The following PRRC2B variants were observed in gnomAD, a reference collection of about 807,000 sequenced individuals.
PRRC2B encodes protein PRRC2B.
Under a neutral mutation model 242.3 loss-of-function variants are expected in PRRC2B, and 68 were observed. The ratio of observed to expected loss-of-function variants is 0.28; its 90% CI spans 0.23 to 0.34. The LOEUF (loss-of-function observed/expected upper bound fraction) is 0.34. Ranked by LOEUF, PRRC2B falls within the 10% of genes least tolerant of loss-of-function variation. The pLI is 1.00. For synonymous variants in PRRC2B, 1,228 were observed against 1,173.6 expected (o/e 1.05, Z -0.95); for missense variants, 2,835 against 2,954.8 (o/e 0.96, Z 0.94).
At chr9:131,414,857 A>C (rs1326296768) in intron 1 of PRRC2B, among the ~76,000 whole-genome samples, 1 of 151,690 alleles carries the variant, frequency 6.6e-6, no homozygotes, top group Non-Finnish European at 1.5e-5. Flanking sequence ...AGCATGAGCC[A>C]CCGTGCCTGG....
chr9:131,412,952 T>C (rs1837543821), intron 1 of PRRC2B, among the ~76,000 whole-genome samples: 1 of 152,098 alleles, frequency 6.6e-6, no homozygotes, highest in Non-Finnish European at 1.5e-5. Flanking sequence ...AAAAGTAAAG[T>C]AGAGGTTTCA....
intron 28 of PRRC2B, chr9:131,491,168 C>T (rs1385486036): frequency 4.6e-6 from 2 of 436,478 alleles, no homozygotes; most frequent in Non-Finnish European, 8.0e-6. Context: ...ATGCCTGCAG[C>T]CAGCTTAGTC....
At chr9:131,431,799 G>C (rs990410328) in intron 2 of PRRC2B, among the ~76,000 whole-genome samples, 2 of 140,844 alleles carry the variant, frequency 1.4e-5, no homozygotes, top group Non-Finnish European at 3.1e-5. Flanking sequence ...TGTTAGCGAG[G>C]ATGGTCTCGA....
intron 3 of PRRC2B, among the ~76,000 whole-genome samples, chr9:131,433,848 G>A (rs766103448): frequency 6.6e-6 from 1 of 152,222 alleles, no homozygotes; most frequent in African/African-American, 2.4e-5. Context: ...TAGAGAGTGA[G>A]CTAGTTTAGT....
chr9:131,380,970 G>C (rs1284146138), intron 1 of PRRC2B, among the ~76,000 whole-genome samples: 1 of 150,492 alleles, frequency 6.6e-6, no homozygotes, highest in Non-Finnish European at 1.5e-5. Flanking sequence ...CTCCCACTCT[G>C]TGGGTCGTTG....
At chr9:131,391,972 C>T (rs771914829), upstream of PRRC2B, among the ~76,000 whole-genome samples, 5 of 151,960 alleles carry the variant, frequency 3.3e-5, no homozygotes, top group Non-Finnish European at 5.9e-5. Context: ...AACTCCTGAC[C>T]TCAGGTGATC....
intron 28 of PRRC2B, 33 bp from the exon 29 acceptor site, chr9:131,491,392 T>C (rs1423451266): frequency 1.3e-6 from 2 of 1,555,368 alleles, no homozygotes; most frequent in Non-Finnish European, 8.7e-7. Flanking sequence ...CATAGCATCA[T>C]TCCCCCTCCT....
intron 1 of PRRC2B, among the ~76,000 whole-genome samples, chr9:131,427,259 C>G (rs72770798): frequency 0.01 from 1,535 of 152,288 alleles, 24 homozygotes; most frequent in Non-Finnish European, 0.013. Flanking sequence ...CGTCTTTTGT[C>G]TCACTTTTTT....
chr9:131,383,965 T>A (rs1474303735), intron 1 of PRRC2B, among the ~76,000 whole-genome samples: 2 of 151,760 alleles, frequency 1.3e-5, no homozygotes, highest in African/African-American at 4.8e-5. Context: ...GTCACCCAGG[T>A]TGGAGTCCAG....
chr9:131,485,840 C>G, intron 25 of PRRC2B: 1 of 729,266 alleles, frequency 1.4e-6, no homozygotes, highest in South Asian at 1.4e-5. Context: ...CAGAGCCCAC[C>G]TGCCTCCTCC....
In PRRC2B at chr9:131,496,027, G is replaced by C. The variant is rs1000770381; in HGVS notation, c.*153G>C. The C allele has an allele frequency of 9.3e-7, 1 of 1,070,326 alleles. No individual in the cohort carries two copies. The highest frequency in any genetic ancestry group is 1.6e-5 in the African/African-American group (1 of 62,968). The allele number at this position is 1,070,326 out of a possible 1,614,324, so 66.3% of individuals were successfully genotyped here. A position where few individuals can be genotyped will look rare whatever the true frequency, so the allele number is the denominator to read the frequency against. ...CCTCCTCTCCACTCCCGAAAGCTCC[G>C]TTGTCAACCAGCTTGCACCCGTGGA... On this transcript the variant is annotated 3_prime_UTR_variant, in exon 32 of 32. Coordinates refer to ENST00000683519, the MANE Select transcript of PRRC2B (RefSeq NM_013318.4).
chr9:131,466,666 C>T (rs893327838), intron 12 of PRRC2B, among the ~76,000 whole-genome samples: 1 of 151,988 alleles, frequency 6.6e-6, no homozygotes, highest in Non-Finnish European at 1.5e-5. Context: ...GCTCTGTCAC[C>T]TAGGCTGGAG....
chr9:131,419,098 C>A (rs999601632), intron 1 of PRRC2B, among the ~76,000 whole-genome samples: 12 of 152,150 alleles, frequency 7.9e-5, no homozygotes, highest in Non-Finnish European at 1.5e-4. Context: ...CTGGGATTAT[C>A]CACTTCCATA....
intron 9 of PRRC2B, among the ~76,000 whole-genome samples, chr9:131,453,557 G>T (rs1942984851): frequency 6.6e-6 from 1 of 152,150 alleles, no homozygotes; most frequent in Non-Finnish European, 1.5e-5. Flanking sequence ...TTTGAGGCAA[G>T]ATCTTGCTCT....
chr9:131,439,141 T>C (rs1349332665), intron 5 of PRRC2B, 80 bp downstream of exon 5: 12 of 1,224,702 alleles, frequency 9.8e-6, no homozygotes, highest in Non-Finnish European at 1.4e-5. Flanking sequence ...TCTGGTTGGG[T>C]CTAGGCACCC....
In PRRC2B at chr9:131,484,932, C is replaced by T; in HGVS notation, c.5566-16C>T. The stretch of plus-strand genomic sequence containing the variant: ...GATAGTAATTTTCATCCCTCCCCCT[C>T]CCCTTGCTTCTGAAGATGGAGTCTG... On this transcript the variant is annotated splice_polypyrimidine_tract_variant and intron_variant, in intron 24 of 31. Coordinates refer to ENST00000683519, the MANE Select transcript of PRRC2B (RefSeq NM_013318.4). 1.2e-6 allele frequency: 2 copies of T among 1,600,082 alleles called. No individual in the cohort carries two copies. Among genetic ancestry groups the T allele is most frequent in the Non-Finnish European group, 1.7e-6 (2 of 1,169,274 alleles).
intron 1 of PRRC2B, among the ~76,000 whole-genome samples, chr9:131,382,503 T>G (rs1359808311): frequency 6.6e-6 from 1 of 152,110 alleles, no homozygotes; most frequent in Non-Finnish European, 1.5e-5. Context: ...CCTCGGAGAC[T>G]TGCTTTTATC....
chr9:131,430,301 G>A (rs760906498), intron 2 of PRRC2B, 42 bp downstream of exon 2: 15 of 1,251,352 alleles, frequency 1.2e-5, no homozygotes, highest in Admixed American at 4.0e-5. Context: ...AACTTTCTCC[G>A]AGTGACATAT....
At chr9:131,484,872 C>T (rs1943974465) in intron 24 of PRRC2B, 76 bp from the exon 25 acceptor site, 1 of 1,568,626 alleles carries the variant, frequency 6.4e-7, no homozygotes, top group Non-Finnish European at 8.7e-7. Flanking sequence ...CCCCGAACCC[C>T]TAAAGCTTAG....
Sources: gnomAD v4.1 joint callset for allele counts (sites outside exome capture counted in the v4.1 genomes callset) on GRCh38, gnomAD v4.1.1 for gene constraint, MANE v1.5 for transcripts, NCBI Gene and HGNC (gene_info 2026-07-23, HGNC 2026-07-21) for gene names.